LIMCH1: variants seen among roughly 807,000 people sequenced by gnomAD.
The protein encoded by LIMCH1 is LIM and calponin homology domains-containing protein 1.
Under a neutral mutation model 176.5 loss-of-function variants are expected in LIMCH1, and 113 were observed. The observed-to-expected ratio is 0.64, with a 90% CI of 0.55 to 0.75. The LOEUF (loss-of-function observed/expected upper bound fraction) is 0.75, where lower values mean the gene tolerates loss of function less well. LIMCH1 is among the 30% of genes least tolerant of loss of function. The pLI, the probability that LIMCH1 is intolerant of heterozygous loss-of-function variation, is 0.00. For missense variants in LIMCH1, 1,674 were observed against 1,814.9 expected (o/e 0.92, Z 1.41); for synonymous variants, 619 against 645.9 (o/e 0.96, Z 0.63).
intron 1 of LIMCH1, among the ~76,000 whole-genome samples, chr4:41,392,576 T>C (rs2057360277): frequency 6.6e-6 from 1 of 152,184 alleles, no homozygotes; most frequent in Non-Finnish European, 1.5e-5. Flanking sequence ...AGTCATGTTG[T>C]AGGAAAAATG....
At chr4:41,569,978 A>G (rs568500413) in intron 1 of LIMCH1, among the ~76,000 whole-genome samples, 1 of 152,352 alleles carries the variant, frequency 6.6e-6, no homozygotes, top group South Asian at 2.1e-4. Flanking sequence ...ATAAGACTAA[A>G]TGACAGCCAT....
chr4:41,602,072 G>GGTGTGTGT (rs141117600), intron 2 of LIMCH1, among the ~76,000 whole-genome samples: 1 of 141,060 alleles, frequency 7.1e-6, no homozygotes, highest in African/African-American at 2.6e-5. Context: ...TTTCTTGTGT[G>GGTGTGTGT]GTGTGTGTGT....
At chr4:41,496,380 G>T (rs765383003) in intron 2 of LIMCH1, among the ~76,000 whole-genome samples, 2 of 152,202 alleles carry the variant, frequency 1.3e-5, no homozygotes, top group African/African-American at 2.4e-5. Flanking sequence ...TCCCCAGTGG[G>T]ACTCTAGCTA....
At chr4:41,360,541 T>G (rs1286467661), upstream of LIMCH1, 2 of 191,922 alleles carry the variant, frequency 1.0e-5, no homozygotes, top group Non-Finnish European at 2.1e-5. The surrounding 1 kb of genome is among the most constrained non-coding windows in gnomAD (Gnocchi z 4.5). Flanking sequence ...TCCGTAGCTG[T>G]GCTCCCCCTC....
chr4:41,490,486 G>C (rs993468756), intron 1 of LIMCH1, among the ~76,000 whole-genome samples: 6 of 152,058 alleles, frequency 3.9e-5, no homozygotes, highest in Admixed American at 3.3e-4. Flanking sequence ...TGACTCTTAA[G>C]GAGCATGCTG....
In LIMCH1 at chr4:41,546,986, C is replaced by T. The variant is rs191692258; in HGVS notation, c.-241+8636C>T. 2.0e-5 allele frequency among the ~76,000 whole-genome samples: 3 copies of T among 152,088 alleles called. No individual in the cohort carries two copies. The South Asian group carries it at 6.2e-4, about 32-fold the overall frequency. Reference sequence around the variant, plus strand: ...TGGAGATTTTTCTTTGCATCTTCTTCTTCCTATTATCCTTTTTTGTAAACA... The same window carrying T: ...TGGAGATTTTTCTTTGCATCTTCTTTTTCCTATTATCCTTTTTTGTAAACA... On this transcript the variant is annotated intron_variant, in intron 1 of 31. Coordinates refer to ENST00000503057, the MANE Select transcript of LIMCH1 (RefSeq NM_001330672.2).
At chr4:41,589,654 G>T (rs371521064) in intron 1 of LIMCH1, among the ~76,000 whole-genome samples, 1 of 152,060 alleles carries the variant, frequency 6.6e-6, no homozygotes, top group Admixed American at 6.5e-5. Context: ...CTTCAGGCAC[G>T]ATGAACTTGT....
At chr4:41,494,729 A>G (rs1037536063) in intron 2 of LIMCH1, 12 of 656,574 alleles carry the variant, frequency 1.8e-5, no homozygotes, top group Non-Finnish European at 2.8e-5. Flanking sequence ...GAAACTCAAA[A>G]AATCCCTGGG....
chr4:41,486,775 T>C (rs2069624943), intron 1 of LIMCH1, among the ~76,000 whole-genome samples: 1 of 151,904 alleles, frequency 6.6e-6, no homozygotes, highest in African/African-American at 2.4e-5. Flanking sequence ...TCTTTCTTTC[T>C]TTTTTTCTTT....
chr4:41,569,255 G>T (rs1361778480), intron 1 of LIMCH1, among the ~76,000 whole-genome samples: 3 of 152,154 alleles, frequency 2.0e-5, no homozygotes, highest in African/African-American at 7.2e-5. Context: ...TGTGGCAAGG[G>T]TGCCTGCTGC....
intron 5 of LIMCH1, among the ~76,000 whole-genome samples, chr4:41,617,083 A>G (rs550407125): frequency 6.6e-6 from 1 of 151,950 alleles, no homozygotes; most frequent in Admixed American, 6.6e-5. Flanking sequence ...ATATATATCT[A>G]TATCTATATA....
At chr4:41,360,532 C>A (rs1055338369), upstream of LIMCH1, 70 of 183,668 alleles carry the variant, frequency 3.8e-4, 1 homozygote, top group Admixed American at 4.3e-3. This position sits in a 1 kb window ranked among gnomAD's most constrained non-coding sequence, Gnocchi z 4.5. Flanking sequence ...TATTTTTAGT[C>A]CGTAGCTGTG....
chr4:41,384,902 A>G (rs1355090643), intron 1 of LIMCH1, among the ~76,000 whole-genome samples: 1 of 152,154 alleles, frequency 6.6e-6, no homozygotes, highest in East Asian at 1.9e-4. Flanking sequence ...AAAAAAGAGG[A>G]AATCTAGGAA....
intron 1 of LIMCH1, among the ~76,000 whole-genome samples, chr4:41,401,285 G>A (rs1047824273): frequency 6.6e-6 from 1 of 152,140 alleles, no homozygotes; most frequent in African/African-American, 2.4e-5. Flanking sequence ...TTATTAAATA[G>A]GGAATCCTTT....
chr4:41,503,618 T>TA (rs1438580697), intron 2 of LIMCH1, among the ~76,000 whole-genome samples: 1 of 152,144 alleles, frequency 6.6e-6, no homozygotes, highest in African/African-American at 2.4e-5. Flanking sequence ...TGGAGGGACT[T>TA]ACGTTTTCAG....
chr4:41,360,730 A>AGGCGGGGAGGGGAGGCCGGCG (rs1554011209), upstream of LIMCH1: 66 of 614,884 alleles, frequency 1.1e-4, no homozygotes, highest in African/African-American at 1.3e-3. The surrounding 1 kb of genome is among the most constrained non-coding windows in gnomAD (Gnocchi z 4.5). Flanking sequence ...GGGCGGGGAG[A>AGGCGGGGAGGGGAGGCCGGCG]GGCGGGGAGG....
rs773226630 is a variant in LIMCH1, at chr4:41,613,470, C to T, written c.14C>T (p.Thr5Ile). MRKD[T>I]DDIESPKRSI... Reference sequence around the variant, plus strand: ...TTTCATTTTCTTTTTTGACAGGACACTGATGACATTGAAAGTCCTAAACGC... The same window carrying T: ...TTTCATTTTCTTTTTTGACAGGACATTGATGACATTGAAAGTCCTAAACGC... Residue 5 changes from threonine (T) to isoleucine (I), a missense_variant, in exon 5 of 32, where the codon ACT becomes ATT. Around this residue, in one of 3 missense-constraint regions of LIMCH1, gnomAD observed 655 missense variants for 692.2 expected, o/e 0.95. Coordinates refer to ENST00000503057, the MANE Select transcript of LIMCH1 (RefSeq NM_001330672.2). 5.6e-6 allele frequency: 9 copies of T among 1,613,548 alleles called. No homozygotes were observed. The South Asian group carries it at 9.9e-5, about 18-fold the overall frequency.
At chr4:41,697,080 T>G in intron 31 of LIMCH1, 80 bp from the exon 32 acceptor site, 1 of 1,439,882 alleles carries the variant, frequency 6.9e-7, no homozygotes, top group Non-Finnish European at 9.8e-7. Flanking sequence ...AGGCAGTTGC[T>G]CATTAGGGAG....
chr4:41,531,474 T>TCTCACACACA (rs777097315), intron 3 of LIMCH1, among the ~76,000 whole-genome samples: 15 of 127,082 alleles, frequency 1.2e-4, no homozygotes, highest in African/African-American at 3.7e-4. Context: ...TCTTTCTCTG[T>TCTCACACACA]CACACACACA....
Sources: allele counts gnomAD v4.1 joint callset (sites outside exome capture counted in the v4.1 genomes callset), GRCh38; gene constraint gnomAD v4.1.1; regional missense constraint gnomAD v4.1.1; non-coding constraint Gnocchi (gnomAD v3.1); transcripts MANE v1.5; gene names NCBI Gene and HGNC (gene_info 2026-07-23, HGNC 2026-07-21).